CCDC91: variants seen among roughly 807,000 people sequenced by gnomAD.
CCDC91 encodes the protein coiled-coil domain-containing protein 91.
A neutral mutation model predicts 63.2 loss-of-function variants in CCDC91; 48 were observed. The ratio of observed to expected loss-of-function variants is 0.76; its 90% CI spans 0.60 to 0.97. The LOEUF (loss-of-function observed/expected upper bound fraction) is 0.97. Among genes scored for constraint, CCDC91 ranks in the 50% least tolerant of loss-of-function variants. The pLI is 0.00. For synonymous variants in CCDC91, 167 were observed against 165.8 expected (o/e 1.01, Z -0.06); for missense variants, 500 against 494.6 (o/e 1.01, Z -0.10).
chr12:28,448,091 A>G (rs532426577), intron 8 of CCDC91, among the ~76,000 whole-genome samples: 1 of 152,260 alleles, frequency 6.6e-6, no homozygotes, highest in South Asian at 2.1e-4. Context: ...GGTATAATGT[A>G]CTGGGCTGCT....
chr12:28,305,129 T>C (rs1938569847), intron 3 of CCDC91, among the ~76,000 whole-genome samples: 1 of 152,130 alleles, frequency 6.6e-6, no homozygotes, highest in South Asian at 2.1e-4. Flanking sequence ...TTCCCCTTAC[T>C]TATTTTATTG....
At chr12:28,494,635 C>T (rs1452105942) in intron 12 of CCDC91, among the ~76,000 whole-genome samples, 3 of 151,686 alleles carry the variant, frequency 2.0e-5, no homozygotes, top group African/African-American at 4.8e-5. Context: ...TGGTGAGACA[C>T]TAATGATCTT....
At chr12:28,515,612 G>T (rs1179699084) in intron 12 of CCDC91, among the ~76,000 whole-genome samples, 1 of 151,824 alleles carries the variant, frequency 6.6e-6, no homozygotes, top group African/African-American at 2.4e-5. Context: ...TCTTAAACAA[G>T]CTGTTGTTTC....
At chr12:28,449,613 C>T (rs1949701448) in intron 8 of CCDC91, among the ~76,000 whole-genome samples, 1 of 151,884 alleles carries the variant, frequency 6.6e-6, no homozygotes, top group African/African-American at 2.4e-5. Flanking sequence ...ATTTATATTA[C>T]CTGTTACATA....
In CCDC91 at chr12:28,332,813, G is replaced by T. The variant is rs145173368; in HGVS notation, c.576+25064G>T. Among the ~76,000 whole-genome samples, 7 of 151,802 alleles carry T rather than the reference G, an allele frequency of 4.6e-5. 1 individual carries two copies. The highest frequency in any genetic ancestry group is 1.7e-4 in the African/African-American group (7 of 41,402). ...TAACATTGACCTCATGGCCAACAGC[G>T]CTGTAACTCATGCCTGAGGGAAGCT... On this transcript the variant is annotated intron_variant, in intron 6 of 12. Coordinates refer to ENST00000536442, the MANE Select transcript of CCDC91 (RefSeq NM_018318.5).
chr12:28,422,689 T>G (rs1202415280), intron 8 of CCDC91, among the ~76,000 whole-genome samples: 6 of 152,150 alleles, frequency 3.9e-5, no homozygotes. Flanking sequence ...TACAGTGAAT[T>G]TAAGAGTTAT....
intron 6 of CCDC91, among the ~76,000 whole-genome samples, chr12:28,340,849 C>T (rs1182359258): frequency 6.6e-6 from 1 of 152,158 alleles, no homozygotes; most frequent in Non-Finnish European, 1.5e-5. Flanking sequence ...ATGGCAAGGA[C>T]AGAGGGCTTT....
chr12:28,190,958 G>A (rs1451861462), intron 1 of CCDC91, among the ~76,000 whole-genome samples: 1 of 152,240 alleles, frequency 6.6e-6, no homozygotes, highest in Non-Finnish European at 1.5e-5. Flanking sequence ...TTGTGTCACC[G>A]AAGCGCCTAC....
intron 3 of CCDC91, among the ~76,000 whole-genome samples, chr12:28,267,407 CTAGT>C (rs1205276439): frequency 6.6e-6 from 1 of 150,954 alleles, no homozygotes; most frequent in Non-Finnish European, 1.5e-5. Flanking sequence ...ATTAATGTAA[CTAGT>C]TATTTTCACT....
chr12:28,316,692 G>A (rs1401033243), intron 6 of CCDC91, among the ~76,000 whole-genome samples: 1 of 146,440 alleles, frequency 6.8e-6, no homozygotes, highest in East Asian at 2.0e-4. Flanking sequence ...CATGAAATTG[G>A]TTCTCTTAAA....
In CCDC91 at chr12:28,194,886, C is replaced by T. The variant is rs1273454780; in HGVS notation, c.-15+4245C>T. ...GTTCTTCCTGGTGGGTTCGTGGTCT[C>T]GCTGGCTTCAGGAGTGAAGCTGCAT... On this transcript the variant is annotated intron_variant, in intron 1 of 12. Coordinates refer to ENST00000536442, the MANE Select transcript of CCDC91 (RefSeq NM_018318.5). Among the ~76,000 whole-genome samples the T allele has an allele frequency of 8.1e-5, 12 of 148,040 alleles. 1 individual carries two copies. The highest frequency in any genetic ancestry group is 6.0e-4 in the Admixed American group (9 of 14,924).
At chr12:28,267,721 A>AT (rs1555170424) in intron 3 of CCDC91, among the ~76,000 whole-genome samples, 1 of 71,330 alleles carries the variant, frequency 1.4e-5, no homozygotes, top group Non-Finnish European at 2.7e-5. Flanking sequence ...ATAATTATAT[A>AT]TATTATTTAT....
intron 8 of CCDC91, among the ~76,000 whole-genome samples, chr12:28,429,284 C>T (rs1948502047): frequency 6.6e-6 from 1 of 152,070 alleles, no homozygotes. Flanking sequence ...TTATCACAGT[C>T]AAGTTTTAAT....
intron 7 of CCDC91, among the ~76,000 whole-genome samples, chr12:28,367,719 G>C (rs1281257788): frequency 5.9e-5 from 9 of 152,164 alleles, no homozygotes; most frequent in Admixed American, 5.2e-4. Flanking sequence ...TTATGCATCA[G>C]CTTGACTGGG....
intron 8 of CCDC91, among the ~76,000 whole-genome samples, chr12:28,419,005 G>T (rs148603256): frequency 2.0e-5 from 3 of 152,202 alleles, no homozygotes; most frequent in Non-Finnish European, 2.9e-5. Flanking sequence ...AAATGCTTAT[G>T]TACATTATTT....
In CCDC91 at chr12:28,492,246, G is replaced by A. The variant is rs1358012410; in HGVS notation, c.1215+8081G>A. 5.9e-5 allele frequency among the ~76,000 whole-genome samples: 9 copies of A among 151,494 alleles called. No individual in the cohort carries two copies. The East Asian group carries it at 1.6e-3, about 26-fold the overall frequency. ...TTTTCATTCTATAAAGAAATGTTATGAATACCCTTAATAGTTGGAGCACTG... is the reference window on the plus strand; with the variant it reads ...TTTTCATTCTATAAAGAAATGTTATAAATACCCTTAATAGTTGGAGCACTG... On this transcript the variant is annotated intron_variant, in intron 12 of 12. Coordinates refer to ENST00000536442, the MANE Select transcript of CCDC91 (RefSeq NM_018318.5).
intron 1 of CCDC91, among the ~76,000 whole-genome samples, chr12:28,251,341 A>G (rs933446787): frequency 8.5e-5 from 13 of 152,076 alleles, no homozygotes; most frequent in African/African-American, 2.4e-4. Flanking sequence ...CTAGAGATAC[A>G]ATCTTGTATT....
chr12:28,446,793 A>G (rs1949523793), intron 8 of CCDC91, among the ~76,000 whole-genome samples: 1 of 152,212 alleles, frequency 6.6e-6, no homozygotes, highest in African/African-American at 2.4e-5. Flanking sequence ...GATTTATAAG[A>G]GAGAGAAAAG....
At chr12:28,401,373 A>G (rs185224903) in intron 8 of CCDC91, among the ~76,000 whole-genome samples, 2 of 152,290 alleles carry the variant, frequency 1.3e-5, no homozygotes, top group East Asian at 3.9e-4. Context: ...CCCTATCACA[A>G]GAACAGTATA....
Sources: gnomAD v4.1 joint callset for allele counts (sites outside exome capture counted in the v4.1 genomes callset) on GRCh38, gnomAD v4.1.1 for gene constraint, MANE v1.5 for transcripts, NCBI Gene and HGNC (gene_info 2026-07-23, HGNC 2026-07-21) for gene names.